Variants in ARF4 observed in about 807,000 individuals in gnomAD.
ARF4 encodes the protein ADP-ribosylation factor 4.
Under a neutral mutation model 24.3 loss-of-function variants are expected in ARF4, and 5 were observed. The observed-to-expected ratio is 0.21, with a 90% CI of 0.11 to 0.43. The LOEUF is 0.43. Ranked by LOEUF, ARF4 falls within the 20% of genes least tolerant of loss-of-function variation. ARF4 has a pLI of 1.00. For synonymous variants in ARF4, 62 were observed against 73.5 expected (o/e 0.84, Z 0.80); for missense variants, 107 against 213.0 (o/e 0.50, Z 3.10).
intron 1 of ARF4, among the ~76,000 whole-genome samples, chr3:57,585,509 T>G (rs1448640761): frequency 1.3e-5 from 2 of 152,108 alleles, no homozygotes; most frequent in Admixed American, 1.3e-4. Flanking sequence ...TCACATTACC[T>G]AATGTAAACA....
chr3:57,589,179 G>A (rs1311759034), intron 1 of ARF4, among the ~76,000 whole-genome samples: 1 of 152,040 alleles, frequency 6.6e-6, no homozygotes, highest in Non-Finnish European at 1.5e-5. Context: ...GAGATGGGAG[G>A]ATCACTTGAC....
Position 57,596,917 on chromosome 3 carries a change from C to G in ARF4, c.67+157G>C, listed in dbSNP as rs772617056. Reference sequence around the variant, plus strand: ...GGGGCGGGGGGGATCGCTCACCCTCCGCTCCATTGTTCCCCCTTAAGAATT... The same window carrying G: ...GGGGCGGGGGGGATCGCTCACCCTCGGCTCCATTGTTCCCCCTTAAGAATT... On this transcript the variant is annotated intron_variant, in intron 1 of 5. Coordinates refer to ENST00000303436, the MANE Select transcript of ARF4 (RefSeq NM_001660.4). 5.0e-4 allele frequency: 355 copies of G among 712,310 alleles called. 1 individual carries two copies. The highest frequency in any genetic ancestry group is 7.0e-5 in the Non-Finnish European group (30 of 430,138). 44.1% of individuals were successfully genotyped at this position (712,310 alleles called of 1,614,324 possible).
intron 1 of ARF4, among the ~76,000 whole-genome samples, chr3:57,586,710 A>C (rs541718337): frequency 3.9e-5 from 6 of 152,326 alleles, no homozygotes; most frequent in African/African-American, 1.4e-4. Context: ...TTATCAAAAA[A>C]ATCAGAAAAC....
At chr3:57,595,227 A>C (rs2153409591) in intron 1 of ARF4, among the ~76,000 whole-genome samples, 1 of 152,332 alleles carries the variant, frequency 6.6e-6, no homozygotes, top group East Asian at 1.9e-4. Context: ...CAATCACAAA[A>C]GACTAAGGAA....
chr3:57,581,944 T>C (rs1575783499), intron 3 of ARF4, among the ~76,000 whole-genome samples: 1 of 152,324 alleles, frequency 6.6e-6, no homozygotes, highest in East Asian at 1.9e-4. Context: ...AGATTGAGTT[T>C]CCTTAATCCA....
chr3:57,581,037 A>G (rs1038786953), intron 3 of ARF4, among the ~76,000 whole-genome samples: 1 of 152,218 alleles, frequency 6.6e-6, no homozygotes, highest in Non-Finnish European at 1.5e-5. Flanking sequence ...AGTGAAGAAA[A>G]GCTAGGATTC....
At chr3:57,578,509 G>T (rs2069932819) in intron 3 of ARF4, among the ~76,000 whole-genome samples, 1 of 151,592 alleles carries the variant, frequency 6.6e-6, no homozygotes, top group Non-Finnish European at 1.5e-5. Flanking sequence ...CTCAGACAGG[G>T]TCTCAACTCT....
intron 3 of ARF4, among the ~76,000 whole-genome samples, chr3:57,582,494 G>A (rs546839125): frequency 6.6e-6 from 1 of 152,208 alleles, no homozygotes; most frequent in Admixed American, 6.5e-5. Context: ...GCCCGCCTCA[G>A]CCTCCCAAAG....
chr3:57,583,228 A>T (rs972619482), intron 3 of ARF4, among the ~76,000 whole-genome samples: 1 of 152,204 alleles, frequency 6.6e-6, no homozygotes, highest in African/African-American at 2.4e-5. Flanking sequence ...TATTTTTAAC[A>T]AATACCCAGG....
chr3:57,579,012 C>T (rs77995904), intron 3 of ARF4, among the ~76,000 whole-genome samples: 5,570 of 151,996 alleles, frequency 0.037, 175 homozygotes, highest in African/African-American at 0.087. Context: ...ATGTAAGTAA[C>T]GAGGCTGGTT....
intron 5 of ARF4, among the ~76,000 whole-genome samples, chr3:57,573,212 AAAAG>A (rs1553729362): frequency 6.6e-5 from 10 of 151,818 alleles, no homozygotes; most frequent in East Asian, 1.9e-4. Context: ...AAAAAAAAAA[AAAAG>A]AAAGAAAGAA....
At chr3:57,589,671 C>A (rs1417539285) in intron 1 of ARF4, among the ~76,000 whole-genome samples, 1 of 150,372 alleles carries the variant, frequency 6.7e-6, no homozygotes, top group Non-Finnish European at 1.5e-5. Context: ...TGAGCCCATA[C>A]CGCGCCACGG....
At chr3:57,573,420 CCAGTTT>C (rs2069863953) in intron 5 of ARF4, among the ~76,000 whole-genome samples, 1 of 151,966 alleles carries the variant, frequency 6.6e-6, no homozygotes, top group South Asian at 2.1e-4. Context: ...ATTTTTTTGA[CCAGTTT>C]AATGTTGCAA....
At chr3:57,573,911 T>G (rs1258978061) in intron 5 of ARF4, among the ~76,000 whole-genome samples, 1 of 151,694 alleles carries the variant, frequency 6.6e-6, no homozygotes, top group Non-Finnish European at 1.5e-5. Context: ...CAGCCTGAGA[T>G]ATCTCAAACA....
chr3:57,576,890 A>G (rs1390113614), intron 4 of ARF4, among the ~76,000 whole-genome samples: 2 of 152,150 alleles, frequency 1.3e-5, no homozygotes, highest in African/African-American at 4.8e-5. Flanking sequence ...GGCACAGCAT[A>G]GAGAAAATGG....
At chr3:57,595,149 C>A (rs544824004) in intron 1 of ARF4, among the ~76,000 whole-genome samples, 14 of 152,252 alleles carry the variant, frequency 9.2e-5, no homozygotes, top group African/African-American at 3.4e-4. Flanking sequence ...AAATGCCTCC[C>A]AATATAGTAA....
In ARF4 at chr3:57,589,633, G is replaced by A. The variant is rs867976394; in HGVS notation, c.68-5169C>T. 5.3e-5 allele frequency among the ~76,000 whole-genome samples: 8 copies of A among 151,366 alleles called. 1 individual carries two copies. Among genetic ancestry groups the A allele is most frequent in the South Asian group, 2.1e-4 (1 of 4,788 alleles). On this transcript the variant is annotated intron_variant, in intron 1 of 5. Coordinates refer to ENST00000303436, the MANE Select transcript of ARF4 (RefSeq NM_001660.4). ...CTTGGGAGGCTGAGGCAGGAGAATC[G>A]CTTGAACCCGGGAGGTGGAGGTTAC...
rs2070201934 is a variant in ARF4, at chr3:57,597,263, G to A, written c.-123C>T. On this transcript the variant is annotated 5_prime_UTR_variant, in exon 1 of 6. Coordinates refer to ENST00000303436, the MANE Select transcript of ARF4 (RefSeq NM_001660.4). ...AGAGAAAGAGCGGAGGAAGAAAGAG[G>A]GAGGCAGAAACGTCTCAGTGGCCCC... 1 of 978,074 alleles carries A rather than the reference G, an allele frequency of 1.0e-6. No homozygotes were observed. The highest frequency in any genetic ancestry group is 1.6e-6 in the Non-Finnish European group (1 of 643,924). The allele number at this position is 978,074 out of a possible 1,614,324, so 60.6% of individuals were successfully genotyped here.
intron 1 of ARF4, among the ~76,000 whole-genome samples, chr3:57,593,352 A>G (rs2070137069): frequency 1.3e-5 from 2 of 152,240 alleles, no homozygotes; most frequent in African/African-American, 4.8e-5. Flanking sequence ...CAAGAGGAAA[A>G]ACATAAAAAA....
Sources: allele counts gnomAD v4.1 joint callset (sites outside exome capture counted in the v4.1 genomes callset), GRCh38; gene constraint gnomAD v4.1.1; transcripts MANE v1.5; gene names NCBI Gene and HGNC (gene_info 2026-07-23, HGNC 2026-07-21).